Variants in USP25 observed in about 807,000 individuals in gnomAD.
USP25 encodes the protein ubiquitin specific peptidase 25, also known as ubiquitin carboxyl-terminal hydrolase 25.
USP25 carries 85 observed loss-of-function variants against 158.5 expected under a neutral mutation model. The observed-to-expected ratio is 0.54, with a 90% confidence interval of 0.45 to 0.64. The LOEUF is 0.64. Among genes scored for constraint, USP25 ranks in the 30% least tolerant of loss-of-function variants. USP25 has a pLI of 0.00. For synonymous variants in USP25, 464 were observed against 460.4 expected (o/e 1.01, Z -0.10); for missense variants, 1,242 against 1,327.3 (o/e 0.94, Z 1.00).
At chr21:15,841,635 C>G (rs983984961) in intron 17 of USP25, among the ~76,000 whole-genome samples, 4 of 152,054 alleles carry the variant, frequency 2.6e-5, no homozygotes, top group Non-Finnish European at 5.9e-5. Context: ...TGCCATTGTT[C>G]CCATATAAAG....
At chr21:15,756,647 C>A (rs562795395) in intron 1 of USP25, among the ~76,000 whole-genome samples, 1 of 152,140 alleles carries the variant, frequency 6.6e-6, no homozygotes, top group South Asian at 2.1e-4. Context: ...CCAATATTTC[C>A]TTATATCTGA....
intron 10 of USP25, among the ~76,000 whole-genome samples, chr21:15,822,522 A>G (rs1284201431): frequency 6.6e-6 from 1 of 152,012 alleles, no homozygotes; most frequent in Non-Finnish European, 1.5e-5. Flanking sequence ...GAATTAAAAT[A>G]TGTAACTATT....
At chr21:15,861,271 TC>T (rs1275793747) in intron 20 of USP25, among the ~76,000 whole-genome samples, 1 of 152,110 alleles carries the variant, frequency 6.6e-6, no homozygotes, top group Middle Eastern at 3.4e-3. Flanking sequence ...AGGAGGGAGA[TC>T]CTTGTTGCAG....
rs749059423 is a variant in USP25 at position 15,811,146 on chromosome 21, G to C, written c.867G>C (p.Glu289Asp). 114 of 1,611,186 alleles carry C rather than the reference G, an allele frequency of 7.1e-5. No homozygotes were observed. Among genetic ancestry groups the C allele is most frequent in the Non-Finnish European group, 9.5e-5 (112 of 1,179,184 alleles). The part of the protein sequence containing the change: ...QMKAEEETDE[E>D]KPKNPMVELF... ...TTTTAACATACTTTAGGGATGAAGA[G>C]AAGCCAAAGAACCCCATGGTAGAGT... Residue 289 changes from glutamate (E) to aspartate (D), a missense_variant, in exon 9 of 26, where the codon GAG (glutamate) becomes GAC (aspartate). By Grantham distance (45) the Glu-to-Asp change is conservative. Coordinates refer to ENST00000400183, the MANE Select transcript of USP25 (RefSeq NM_001283041.3).
intron 20 of USP25, among the ~76,000 whole-genome samples, chr21:15,856,694 A>G (rs1051265490): frequency 6.6e-6 from 1 of 152,136 alleles, no homozygotes; most frequent in African/African-American, 2.4e-5. Context: ...GATGGTCTCG[A>G]TCTCCTGACC....
At chr21:15,757,490 C>T (rs1733425512) in intron 1 of USP25, among the ~76,000 whole-genome samples, 1 of 152,190 alleles carries the variant, frequency 6.6e-6, no homozygotes, top group South Asian at 2.1e-4. Flanking sequence ...AGACCTTGCT[C>T]TTCTCCATAA....
chr21:15,771,045 A>T (rs916619499), intron 3 of USP25, among the ~76,000 whole-genome samples: 2 of 152,160 alleles, frequency 1.3e-5, no homozygotes, highest in African/African-American at 4.8e-5. Context: ...TATGAAGATG[A>T]CTCACCAGTT....
intron 1 of USP25, among the ~76,000 whole-genome samples, chr21:15,753,218 G>A (rs939866604): frequency 1.3e-5 from 2 of 152,150 alleles, no homozygotes; most frequent in Admixed American, 6.5e-5. Context: ...TGGTAATGAA[G>A]CTGTAGTTCC....
rs577161491 is a variant in USP25, at chr21:15,739,075, C to T, written c.45+8637C>T. On this transcript the variant is annotated intron_variant, in intron 1 of 25. Coordinates refer to ENST00000400183, the MANE Select transcript of USP25 (RefSeq NM_001283041.3). ...TTGCTGATGCCCCCAGCCGAATAAA[C>T]CCCTTCCTCCTTTAACTCGGTTCTG... 1.6e-4 allele frequency among the ~76,000 whole-genome samples: 24 copies of T among 152,304 alleles called. No individual in the cohort carries two copies. In the East Asian group the frequency reaches 4.6e-3, roughly 29 times the overall value.
intron 1 of USP25, among the ~76,000 whole-genome samples, chr21:15,732,667 C>G (rs556938244): frequency 2.0e-5 from 3 of 152,150 alleles, no homozygotes; most frequent in Non-Finnish European, 4.4e-5. Context: ...TAAGTATTTA[C>G]TATTTAAAAT....
At chr21:15,801,663 A>G (rs1284836220) in intron 6 of USP25, among the ~76,000 whole-genome samples, 1 of 151,580 alleles carries the variant, frequency 6.6e-6, no homozygotes, top group East Asian at 1.9e-4. Flanking sequence ...CACTTATTTA[A>G]TAATGAATTT....
intron 3 of USP25, among the ~76,000 whole-genome samples, chr21:15,772,902 A>T (rs1336123141): frequency 6.6e-6 from 1 of 152,206 alleles, no homozygotes; most frequent in African/African-American, 2.4e-5. Flanking sequence ...ATCTTTCAGG[A>T]TTCAGCTATC....
intron 21 of USP25, among the ~76,000 whole-genome samples, chr21:15,865,686 T>C (rs1486919988): frequency 1.7e-4 from 26 of 152,334 alleles, no homozygotes; most frequent in Middle Eastern, 3.4e-3. Flanking sequence ...AGTAATCACA[T>C]TGACTTTTCA....
At chr21:15,833,311 C>T in intron 16 of USP25, 37 bp from the exon 17 acceptor site, 1 of 1,575,574 alleles carries the variant, frequency 6.3e-7, no homozygotes, top group Non-Finnish European at 8.6e-7. Flanking sequence ...CCCTTTAATT[C>T]TTAATTTTAT....
chr21:15,878,206 C>G (rs897488230), intron 25 of USP25, 97 bp from the exon 26 acceptor site: 1 of 1,469,314 alleles, frequency 6.8e-7, no homozygotes, highest in East Asian at 2.4e-5. Flanking sequence ...TGGCAATTAT[C>G]TTACCTATTA....
intron 6 of USP25, among the ~76,000 whole-genome samples, chr21:15,801,319 G>GTTC (rs1277570164): frequency 6.6e-6 from 1 of 151,478 alleles, no homozygotes; most frequent in Non-Finnish European, 1.5e-5. Context: ...AGAACGAGTT[G>GTTC]TGAATACTAG....
At chr21:15,732,362 T>C (rs1290611070) in intron 1 of USP25, among the ~76,000 whole-genome samples, 2 of 152,228 alleles carry the variant, frequency 1.3e-5, no homozygotes, top group Non-Finnish European at 2.9e-5. Flanking sequence ...ACGATTACTT[T>C]GTTACTCATA....
chr21:15,834,742 A>G (rs1035170256), intron 17 of USP25, among the ~76,000 whole-genome samples: 1 of 152,182 alleles, frequency 6.6e-6, no homozygotes, highest in Non-Finnish European at 1.5e-5. Flanking sequence ...AGCATTTTTT[A>G]AAAAGATAAT....
rs904342034 is a variant in USP25, at chr21:15,826,004, G to A, written c.1305-200G>A. Among the ~76,000 whole-genome samples the A allele has an allele frequency of 2.6e-5, 4 of 152,052 alleles. No homozygotes were observed. The highest frequency in any genetic ancestry group is 7.2e-5 in the African/African-American group (3 of 41,402). On this transcript the variant is annotated intron_variant, in intron 12 of 25. Transcript: ENST00000400183. This position sits in a 1 kb window ranked among gnomAD's most constrained non-coding sequence, Gnocchi z 4.8. ...ATATACTCACATTCAGTCCCAATCGGCCTTGGTTTCCTGTCTTTGGGGAAC... is the reference window on the plus strand; with the variant it reads ...ATATACTCACATTCAGTCCCAATCGACCTTGGTTTCCTGTCTTTGGGGAAC...
Sources: gnomAD v4.1 joint callset for allele counts (sites outside exome capture counted in the v4.1 genomes callset) on GRCh38, gnomAD v4.1.1 for gene constraint, Gnocchi (gnomAD v3.1) non-coding constraint, MANE v1.5 for transcripts, NCBI Gene and HGNC (gene_info 2026-07-23, HGNC 2026-07-21) for gene names.